SASH1: variants seen among roughly 807,000 people sequenced by gnomAD.
SASH1 encodes the protein SAM and SH3 domain-containing protein 1.
A neutral mutation model predicts 125.2 loss-of-function variants in SASH1; 44 were observed. That is an observed-to-expected ratio of 0.35 (90% CI 0.28 to 0.45). The LOEUF (loss-of-function observed/expected upper bound fraction) is 0.45, where lower values mean the gene tolerates loss of function less well. Among genes scored for constraint, SASH1 ranks in the 20% least tolerant of loss-of-function variants. The pLI is 1.00. For missense variants in SASH1, 1,426 were observed against 1,614.5 expected (o/e 0.88, Z 2.00); for synonymous variants, 639 against 649.1 (o/e 0.98, Z 0.24).
chr6:148,408,878 T>C (rs978376772), intron 2 of SASH1, among the ~76,000 whole-genome samples: 2 of 152,232 alleles, frequency 1.3e-5, no homozygotes, highest in Admixed American at 1.3e-4. Context: ...TTTCATTATC[T>C]TGCAGTTTAC....
rs577462465 is a variant in SASH1 at position 148,426,906 on chromosome 6, G to A, written c.286-13278G>A. ...TCCCAGCACTTTGGGAGGCTGAGGC[G>A]GCTGGTCACTTGAGACCAGGAGTTT... On this transcript the variant is annotated intron_variant, in intron 2 of 19. Transcript: ENST00000367467. Among the ~76,000 whole-genome samples, 13 of 152,188 alleles carry A rather than the reference G, an allele frequency of 8.5e-5. No individual in the cohort carries two copies. The South Asian group carries it at 2.7e-3, about 32-fold the overall frequency.
intron 2 of SASH1, among the ~76,000 whole-genome samples, chr6:148,396,202 G>A (rs898473260): frequency 7.2e-5 from 11 of 152,054 alleles, no homozygotes; most frequent in African/African-American, 2.7e-4. Context: ...TTGCTGGACG[G>A]GTGCAGTGGC....
At chr6:148,224,515 C>A in the SASH1 span, among the ~76,000 whole-genome samples, 1 of 152,034 alleles carries the variant, frequency 6.6e-6, no homozygotes, top group African/African-American at 2.4e-5. Context: ...TGCCTGCCAC[C>A]ACCTTTGGCT....
intron 1 of SASH1, among the ~76,000 whole-genome samples, chr6:148,354,677 A>T (rs1781857713): frequency 6.6e-6 from 1 of 152,224 alleles, no homozygotes; most frequent in Admixed American, 6.5e-5. Context: ...CACACATTTC[A>T]GCGTGAATAT....
intron 1 of SASH1, among the ~76,000 whole-genome samples, chr6:148,375,604 A>G (rs1032159496): frequency 6.6e-6 from 1 of 152,214 alleles, no homozygotes; most frequent in Admixed American, 6.5e-5. Flanking sequence ...AGGGGAAATG[A>G]TGTAGTTAGG....
chr6:148,500,568 T>TA, intron 8 of SASH1, among the ~76,000 whole-genome samples: 1 of 152,330 alleles, frequency 6.6e-6, no homozygotes, highest in South Asian at 2.1e-4. Flanking sequence ...CAGAAAAAGA[T>TA]AAAGAGGTCA....
intron 1 of SASH1, among the ~76,000 whole-genome samples, chr6:148,273,903 T>C (rs1311730871): frequency 6.6e-6 from 1 of 152,186 alleles, no homozygotes; most frequent in African/African-American, 2.4e-5. Context: ...AGAAGGGAAC[T>C]CTAGAAGAAA....
At chr6:148,456,193 C>A (rs1484332496) in intron 4 of SASH1, among the ~76,000 whole-genome samples, 1 of 152,198 alleles carries the variant, frequency 6.6e-6, no homozygotes, top group Non-Finnish European at 1.5e-5. Flanking sequence ...CTCCCTTCCC[C>A]ACCCCAGGCC....
intron 9 of SASH1, among the ~76,000 whole-genome samples, chr6:148,516,795 G>A (rs182029626): frequency 6.6e-6 from 1 of 152,212 alleles, no homozygotes; most frequent in East Asian, 1.9e-4. Context: ...GGCCCAGCAC[G>A]ATGTCCAGGC....
chr6:148,551,677 AT>A lies in SASH1; in HGVS notation c.*3120del, dbSNP rs1782883595. 6.6e-6 allele frequency: 1 copy of A among 152,614 alleles called. No homozygotes were observed. The highest frequency in any genetic ancestry group is 6.5e-5 in the Admixed American group (1 of 15,282). 9.5% of individuals were successfully genotyped at this position (152,614 alleles called of 1,614,324 possible). On this transcript the variant is annotated 3_prime_UTR_variant, in exon 20 of 20. Coordinates refer to ENST00000367467, the MANE Select transcript of SASH1 (RefSeq NM_015278.5). ...TGTACTGTATTATTTTCAGAAAAAA[AT>A]ATAATAGTCTGAGTCCAAGTTATCT...
intron 16 of SASH1, 34 bp from the exon 17 acceptor site, chr6:148,540,409 C>T (rs200604321): frequency 1.4e-5 from 21 of 1,549,224 alleles, no homozygotes; most frequent in African/African-American, 4.1e-5. Context: ...TTTTCACTCA[C>T]CTTGTTGATT....
chr6:148,402,618 A>ATT (rs60247173), intron 2 of SASH1, among the ~76,000 whole-genome samples: 1,649 of 138,180 alleles, frequency 0.012, 34 homozygotes, highest in African/African-American at 0.04. Context: ...CAAAAATGAC[A>ATT]TTTTTTTTTT....
the SASH1 span, among the ~76,000 whole-genome samples, chr6:148,214,412 C>G: frequency 9.3e-4 from 141 of 152,286 alleles, no homozygotes; most frequent in African/African-American, 3.2e-3. Flanking sequence ...TATTGAACCA[C>G]TTTTCTGCTA....
the SASH1 span, among the ~76,000 whole-genome samples, chr6:148,253,000 G>A: frequency 6.6e-6 from 1 of 152,148 alleles, no homozygotes; most frequent in African/African-American, 2.4e-5. Flanking sequence ...TAGCCCGTGG[G>A]GCAGCCTCGG....
chr6:148,353,042 A>G (rs1326897815), intron 1 of SASH1, among the ~76,000 whole-genome samples: 1 of 152,060 alleles, frequency 6.6e-6, no homozygotes, highest in Admixed American at 6.6e-5. Context: ...ATGAATTAAT[A>G]TATCTTTATT....
At chr6:148,393,101 C>T (rs1429827661) in intron 2 of SASH1, among the ~76,000 whole-genome samples, 1 of 141,434 alleles carries the variant, frequency 7.1e-6, no homozygotes, top group Non-Finnish European at 1.5e-5. Flanking sequence ...GGCTGGAGTG[C>T]AGTGGTGTGA....
At position 148,469,322 on chromosome 6, in the gene SASH1, A is replaced by G. The variant is rs575999240; in HGVS notation, c.427+737A>G. Among the ~76,000 whole-genome samples, 77 of 152,358 alleles carry G rather than the reference A, an allele frequency of 5.1e-4. 1 individual carries two copies. The South Asian group carries it at 7.9e-3, about 16-fold the overall frequency. ...AATGAAATCTTGCCATTAGATAGCTAAGTGCCTGGATATAGTAGCTGAATA... is the reference window on the plus strand; with the variant it reads ...AATGAAATCTTGCCATTAGATAGCTGAGTGCCTGGATATAGTAGCTGAATA... On this transcript the variant is annotated intron_variant, in intron 5 of 19. Coordinates refer to ENST00000367467, the MANE Select transcript of SASH1 (RefSeq NM_015278.5).
At chr6:148,235,857 G>T in the SASH1 span, among the ~76,000 whole-genome samples, 1 of 152,130 alleles carries the variant, frequency 6.6e-6, no homozygotes, top group Non-Finnish European at 1.5e-5. Context: ...TAAGTTTACT[G>T]GTGGACAAAG....
intron 4 of SASH1, among the ~76,000 whole-genome samples, chr6:148,446,707 A>G (rs1227096064): frequency 1.3e-5 from 2 of 152,206 alleles, no homozygotes; most frequent in African/African-American, 4.8e-5. Context: ...ATGCTTATTG[A>G]GTTCTTATTA....
Sources: allele counts gnomAD v4.1 joint callset (sites outside exome capture counted in the v4.1 genomes callset), GRCh38; gene constraint gnomAD v4.1.1; transcripts MANE v1.5; gene names NCBI Gene and HGNC (gene_info 2026-07-23, HGNC 2026-07-21).